MYO10: variants seen among roughly 807,000 people sequenced by gnomAD.
The protein encoded by MYO10 is myosin X, also known as unconventional myosin-X.
Under a neutral mutation model 257.3 loss-of-function variants are expected in MYO10, and 133 were observed. That is an observed-to-expected ratio of 0.52 (90% CI 0.45 to 0.60). The LOEUF (loss-of-function observed/expected upper bound fraction) is 0.60, where lower values mean the gene tolerates loss of function less well. MYO10 is among the 20% of genes least tolerant of loss of function. MYO10 has a pLI of 0.00. For synonymous variants in MYO10, 1,104 were observed against 1,028.6 expected, an observed-to-expected ratio of 1.07 and a Z score of -1.40; for missense variants, 2,399 against 2,635.7, an observed-to-expected ratio of 0.91 and a Z score of 1.97.
intron 2 of MYO10, among the ~76,000 whole-genome samples, chr5:16,844,257 A>C (rs1212111292): frequency 6.6e-6 from 1 of 152,158 alleles, no homozygotes; most frequent in Non-Finnish European, 1.5e-5. Context: ...ATAATTATTT[A>C]TCGAATTCAG....
intron 2 of MYO10, among the ~76,000 whole-genome samples, chr5:16,852,032 C>T (rs1580073979): frequency 3.9e-5 from 3 of 77,896 alleles, no homozygotes; most frequent in African/African-American, 1.5e-4. Flanking sequence ...GCCTGGGTGA[C>T]AAAGCAAGAC....
Position 16,680,090 on chromosome 5 carries a change from T to A in MYO10, c.4399A>T (p.Thr1467Ser). Residue 1467 changes from threonine (T) to serine (S), a missense_variant, in exon 33 of 41, where the codon ACC becomes TCC. Thr to Ser is a moderately conservative substitution (Grantham distance 58, BLOSUM62 1). Around this residue, in one of 3 missense-constraint regions of MYO10, gnomAD observed 1,820 missense variants for 1,939.4 expected, o/e 0.94. Coordinates refer to ENST00000513610, the MANE Select transcript of MYO10 (RefSeq NM_012334.3). ...TAACAGTGCTTGCGCCCGTACACGG[T>A]GACGTTCCAGTAGCCTGCAATGGCA... ...IFKETGYWNV[T>S]VYGRKHCYRL... is the part of the protein sequence containing the mutation. 1 of 1,612,130 alleles carries A rather than the reference T, an allele frequency of 6.2e-7. No individual in the cohort carries two copies. The highest frequency in any genetic ancestry group is 8.5e-7 in the Non-Finnish European group (1 of 1,178,542).
intron 15 of MYO10, 38 bp downstream of exon 15, chr5:16,762,507 T>C (rs951513643): frequency 2.0e-6 from 3 of 1,488,472 alleles, no homozygotes; most frequent in Non-Finnish European, 2.8e-6. Flanking sequence ...ACAGACGTGC[T>C]ACTCCAATGT....
At chr5:16,859,428 C>T (rs1744051082) in intron 2 of MYO10, among the ~76,000 whole-genome samples, 1 of 152,090 alleles carries the variant, frequency 6.6e-6, no homozygotes, top group Non-Finnish European at 1.5e-5. Flanking sequence ...CCTCCCAATA[C>T]CATCACATTG....
At chr5:16,779,768 AGAT>A in intron 8 of MYO10, 120 bp from the exon 9 acceptor site, 1 of 554,450 alleles carries the variant, frequency 1.8e-6, no homozygotes. Context: ...TCTCCCATAA[AGAT>A]AATAAAGTTC....
At chr5:16,744,506 T>A (rs1740125977) in intron 19 of MYO10, among the ~76,000 whole-genome samples, 1 of 152,038 alleles carries the variant, frequency 6.6e-6, no homozygotes, top group South Asian at 2.1e-4. Context: ...GGGATTATGG[T>A]GTATCATAAT....
intron 19 of MYO10, among the ~76,000 whole-genome samples, chr5:16,740,070 C>A (rs1376022658): frequency 1.3e-5 from 2 of 152,208 alleles, no homozygotes; most frequent in East Asian, 3.9e-4. Flanking sequence ...CAGAGTGGAC[C>A]ATCTGCACAG....
chr5:16,814,478 G>A (rs1164649007), intron 3 of MYO10: 4 of 152,100 alleles, frequency 2.6e-5, no homozygotes, highest in Admixed American at 6.6e-5. Context: ...TACACTTATG[G>A]TAACTGGTTA....
At chr5:16,676,267 C>A (rs1736720127) in intron 33 of MYO10, 113 bp from the exon 34 acceptor site, 1 of 1,311,940 alleles carries the variant, frequency 7.6e-7, no homozygotes. Context: ...TGGTGGAAAT[C>A]CAGTGTTAGG....
intron 2 of MYO10, among the ~76,000 whole-genome samples, chr5:16,870,911 C>A (rs1381229919): frequency 5.3e-5 from 8 of 152,136 alleles, no homozygotes; most frequent in Non-Finnish European, 1.0e-4. Flanking sequence ...AAAAAAAATT[C>A]TCTGAAATTG....
intron 1 of MYO10, among the ~76,000 whole-genome samples, chr5:16,923,554 T>A (rs1409006777): frequency 6.6e-6 from 1 of 151,542 alleles, no homozygotes; most frequent in Non-Finnish European, 1.5e-5. Flanking sequence ...CCCAAAGTGC[T>A]GGGATCACAG....
intron 4 of MYO10, among the ~76,000 whole-genome samples, chr5:16,786,159 C>T (rs1741572637): frequency 6.6e-6 from 1 of 152,142 alleles, no homozygotes; most frequent in Admixed American, 6.5e-5. Flanking sequence ...CCCTGTGTTA[C>T]ACCCCTAAGA....
intron 27 of MYO10, among the ~76,000 whole-genome samples, chr5:16,690,427 G>C (rs529493031): frequency 6.6e-6 from 1 of 152,244 alleles, no homozygotes; most frequent in South Asian, 2.1e-4. Context: ...ACCCTCTAGG[G>C]GGAGCCAGTC....
At position 16,777,839 on chromosome 5, in the gene MYO10, C is replaced by CCTTTTTTTTTTTTTTTTTTTTTTTTTTT. The variant is rs1560979466; in HGVS notation, c.930+1705_930+1706insAAAAAAAAAAAAAAAAAAAAAAAAAAAG. On this transcript the variant is annotated intron_variant, in intron 9 of 40. Transcript: ENST00000513610. ...GCCACCCTAGGTGCATTGCATCTAA[C>CCTTTTTTTTTTTTTTTTTTTTTTTTTTT]TTTTTTTTTTTTTTTTTTTTTTTTT... 3.4e-5 allele frequency among the ~76,000 whole-genome samples: 3 copies of CCTTTTTTTTTTTTTTTTTTTTTTTTTTT among 88,482 alleles called. 1 individual carries two copies. 58.0% of individuals were successfully genotyped at this position (88,482 alleles called of 152,430 possible).
chr5:16,714,969 T>C (rs1579890429), intron 19 of MYO10, among the ~76,000 whole-genome samples: 2 of 152,178 alleles, frequency 1.3e-5, no homozygotes, highest in South Asian at 2.1e-4. Flanking sequence ...ACTAAAAGTA[T>C]AGCTGGATTG....
intron 1 of MYO10, among the ~76,000 whole-genome samples, chr5:16,935,339 T>C (rs1746404982): frequency 1.3e-5 from 2 of 152,172 alleles, no homozygotes; most frequent in Admixed American, 1.3e-4. Context: ...TGGAAGTGTT[T>C]GAACCCCTGC....
chr5:16,690,367 A>T (rs917575010), intron 27 of MYO10, among the ~76,000 whole-genome samples: 6 of 152,140 alleles, frequency 3.9e-5, no homozygotes, highest in African/African-American at 7.2e-5. Flanking sequence ...CCCGTCACCA[A>T]AAGACATGGA....
At chr5:16,813,715 C>G (rs992314999) in intron 3 of MYO10, among the ~76,000 whole-genome samples, 1 of 152,114 alleles carries the variant, frequency 6.6e-6, no homozygotes, top group African/African-American at 2.4e-5. Flanking sequence ...GGTTATGAAG[C>G]CTGAGATGGG....
intron 2 of MYO10, among the ~76,000 whole-genome samples, chr5:16,846,846 G>A (rs1383650902): frequency 3.3e-5 from 5 of 152,206 alleles, no homozygotes; most frequent in East Asian, 1.9e-4. Context: ...GGCCACGTGC[G>A]GTGGCTCACG....
Sources: allele counts gnomAD v4.1 joint callset (sites outside exome capture counted in the v4.1 genomes callset), GRCh38; gene constraint gnomAD v4.1.1; regional missense constraint gnomAD v4.1.1; transcripts MANE v1.5; gene names NCBI Gene and HGNC (gene_info 2026-07-23, HGNC 2026-07-21).